The following ITGB5 variants were observed in gnomAD, a reference collection of about 807,000 sequenced individuals.
ITGB5 encodes integrin subunit beta 5.
ITGB5 carries 38 observed loss-of-function variants against 84.8 expected under a neutral mutation model. That is an observed-to-expected ratio of 0.45 (90% confidence interval 0.35 to 0.59). The LOEUF (loss-of-function observed/expected upper bound fraction) is 0.59, where lower values mean the gene tolerates loss of function less well. Ranked by LOEUF, ITGB5 falls within the 20% of genes least tolerant of loss-of-function variation. The pLI, the probability that ITGB5 is intolerant of heterozygous loss-of-function variation, is 0.01. For missense variants in ITGB5, 905 were observed against 1,034.5 expected (o/e 0.87, Z 1.72); for synonymous variants, 393 against 414.4 (o/e 0.95, Z 0.63).
At chr3:124,891,484 G>A (rs766167469), upstream of ITGB5, among the ~76,000 whole-genome samples, 26 of 151,424 alleles carry the variant, frequency 1.7e-4, no homozygotes, top group Non-Finnish European at 3.5e-4. Flanking sequence ...GTTCAAGACC[G>A]GCCTGAGCAA....
chr3:124,831,008 A>AC (rs2064852084), intron 5 of ITGB5, among the ~76,000 whole-genome samples: 4 of 152,030 alleles, frequency 2.6e-5, no homozygotes, highest in Admixed American at 6.5e-5. Flanking sequence ...AACAACAACA[A>AC]AAAAACAAGA....
rs1417949696 is a variant in ITGB5, at chr3:124,817,662, C to T, written c.1087G>A (p.Asp363Asn). 3 of 1,592,602 alleles carry T rather than the reference C, an allele frequency of 1.9e-6. No individual in the cohort carries two copies. Among genetic ancestry groups the T allele is most frequent in the Non-Finnish European group, 2.6e-6 (3 of 1,169,234 alleles). ...PGTTVEILDG[D>N]SKNIIQLIIN... is the part of the protein sequence containing the mutation. Reference sequence around the variant, plus strand: ...ATCAGTTGAATAATATTTTTGGAGTCTCCATCTAAAATCTCCACCGTTGTT... The same window carrying T: ...ATCAGTTGAATAATATTTTTGGAGTTTCCATCTAAAATCTCCACCGTTGTT... The change falls in exon 8 of 15, where the codon GAC becomes AAC. Residue 363 changes from aspartate to asparagine, a missense_variant. By Grantham distance (23) the Asp-to-Asn change is conservative. Around this residue, in one of 3 missense-constraint regions of ITGB5, gnomAD observed 656 missense variants for 734.7 expected, o/e 0.89. Transcript: ENST00000296181.
intron 11 of ITGB5, among the ~76,000 whole-genome samples, chr3:124,772,764 G>A (rs892183951): frequency 6.6e-6 from 1 of 152,210 alleles, no homozygotes; most frequent in African/African-American, 2.4e-5. Context: ...GCGAAGGCTG[G>A]GGCCCAGGTC....
intron 10 of ITGB5, among the ~76,000 whole-genome samples, chr3:124,793,932 G>A (rs1007851761): frequency 2.6e-5 from 4 of 152,228 alleles, no homozygotes; most frequent in Non-Finnish European, 4.4e-5. Flanking sequence ...CTTGTGTCAC[G>A]GCAAGGTCCG....
At chr3:124,853,408 T>C (rs1357086301) in intron 3 of ITGB5, among the ~76,000 whole-genome samples, 2 of 151,840 alleles carry the variant, frequency 1.3e-5, no homozygotes, top group Non-Finnish European at 2.9e-5. Context: ...CTGCACCCCC[T>C]CTCCACCTCA....
intron 11 of ITGB5, 27 bp from the exon 12 acceptor site, chr3:124,769,140 G>C: frequency 1.9e-6 from 3 of 1,593,866 alleles, no homozygotes; most frequent in Non-Finnish European, 2.6e-6. Context: ...ATAAAGGTGG[G>C]TGTCAGATAA....
Position 124,819,747 on chromosome 3 carries a change from G to T in ITGB5, c.1030C>A (p.Leu344Met). Residue 344 changes from leucine (L) to methionine (M), a missense_variant, in exon 7 of 15, where the codon CTG (leucine) becomes ATG (methionine). Leu to Met is a conservative substitution (Grantham distance 15). Coordinates refer to ENST00000296181, the MANE Select transcript of ITGB5 (RefSeq NM_002213.5). ...CCTCCCTCCCAGCATACCTTGTACAGCATATAATGGTTTTTTGTCACTGCA... is the reference window on the plus strand; with the variant it reads ...CCTCCCTCCCAGCATACCTTGTACATCATATAATGGTTTTTTGTCACTGCA... ...IFAVTKNHYMLYKNFTALIPG... is the reference protein window; with the variant it reads ...IFAVTKNHYMMYKNFTALIPG... 6.2e-7 allele frequency: 1 copy of T among 1,609,308 alleles called. No individual in the cohort carries two copies. The highest frequency in any genetic ancestry group is 8.5e-7 in the Non-Finnish European group (1 of 1,175,586).
chr3:124,864,044 A>AAAAGAAAAAG (rs1553766438), intron 2 of ITGB5, among the ~76,000 whole-genome samples: 2 of 145,928 alleles, frequency 1.4e-5, no homozygotes, highest in African/African-American at 5.0e-5. Context: ...AAGAAAAGAA[A>AAAAGAAAAAG]AAAGAAAAAG....
chr3:124,775,792 A>G (rs1294144797), intron 10 of ITGB5, among the ~76,000 whole-genome samples: 2 of 152,166 alleles, frequency 1.3e-5, no homozygotes, highest in Admixed American at 1.3e-4. Context: ...AATATAATAT[A>G]GGTCAGAACT....
At chr3:124,848,703 T>C (rs1447970065) in intron 3 of ITGB5, 145 bp from the exon 4 acceptor site, 11 of 816,744 alleles carry the variant, frequency 1.3e-5, no homozygotes, top group Non-Finnish European at 2.1e-5. Flanking sequence ...GGAAGTAAAG[T>C]GCCTGAAGGG....
At chr3:124,803,241 T>C (rs772290249) in intron 9 of ITGB5, among the ~76,000 whole-genome samples, 4 of 152,210 alleles carry the variant, frequency 2.6e-5, no homozygotes, top group Non-Finnish European at 5.9e-5. Context: ...ATGACACCAC[T>C]GTATGCTTCC....
At chr3:124,848,172 C>T in intron 4 of ITGB5, 137 bp downstream of exon 4, 1 of 909,226 alleles carries the variant, frequency 1.1e-6, no homozygotes, top group Non-Finnish European at 1.7e-6. Flanking sequence ...GTATGCTTAT[C>T]ATTAATCAAA....
chr3:124,775,247 AGTGT>A (rs754396072), intron 10 of ITGB5, among the ~76,000 whole-genome samples: 1 of 145,814 alleles, frequency 6.9e-6, no homozygotes, highest in Non-Finnish European at 1.5e-5. Flanking sequence ...TGTGAGTGCA[AGTGT>A]GTGTGAGGAA....
intron 9 of ITGB5, among the ~76,000 whole-genome samples, chr3:124,803,212 T>A (rs1214875381): frequency 6.6e-6 from 1 of 152,074 alleles, no homozygotes; most frequent in East Asian, 1.9e-4. Context: ...TACACTAGGG[T>A]GTCCATCCAT....
chr3:124,809,297 C>A, intron 8 of ITGB5, 141 bp from the exon 9 acceptor site: 1 of 759,982 alleles, frequency 1.3e-6, no homozygotes. Flanking sequence ...AGCTTGGTTC[C>A]CTGGCCCTCC....
intron 3 of ITGB5, among the ~76,000 whole-genome samples, chr3:124,850,557 G>T (rs536265603): frequency 4.1e-4 from 41 of 99,252 alleles, no homozygotes; most frequent in Non-Finnish European, 6.2e-4. Flanking sequence ...GTGGGGGGAG[G>T]GGGGAGGGAT....
At chr3:124,842,696 G>A (rs761416135) in intron 4 of ITGB5, among the ~76,000 whole-genome samples, 7 of 152,214 alleles carry the variant, frequency 4.6e-5, no homozygotes, top group African/African-American at 1.4e-4. Context: ...TAACAGGCCT[G>A]AGGGAAAGGC....
chr3:124,851,858 G>A (rs527474134), intron 3 of ITGB5, among the ~76,000 whole-genome samples: 1 of 152,236 alleles, frequency 6.6e-6, no homozygotes, highest in Non-Finnish European at 1.5e-5. Flanking sequence ...TGGAGGGACT[G>A]ACATTCCTGG....
chr3:124,845,305 G>A lies in ITGB5; in HGVS notation c.611+3004C>T, dbSNP rs1407800313. Among the ~76,000 whole-genome samples, 4 of 152,278 alleles carry A rather than the reference G, an allele frequency of 2.6e-5. No individual in the cohort carries two copies. In the South Asian group the frequency reaches 8.3e-4, roughly 32 times the overall value. ...AAAAATTAGCTGGGTGTGGTGGCAC[G>A]TGCCTGTAATACCAGCTACTCAGGA... On this transcript the variant is annotated intron_variant, in intron 4 of 14. Coordinates refer to ENST00000296181, the MANE Select transcript of ITGB5 (RefSeq NM_002213.5).
Sources: gnomAD v4.1 joint callset for allele counts (sites outside exome capture counted in the v4.1 genomes callset) on GRCh38, gnomAD v4.1.1 for gene constraint, gnomAD v4.1.1 regional missense constraint, MANE v1.5 for transcripts, NCBI Gene and HGNC (gene_info 2026-07-23, HGNC 2026-07-21) for gene names.